Variants in TRAPPC9 observed in about 807,000 individuals in gnomAD.
TRAPPC9 encodes trafficking protein particle complex subunit 9, also known as IKK2 binding protein.
In TRAPPC9, 83 loss-of-function variants were observed where a neutral mutation model predicts 124.0. The observed-to-expected ratio is 0.67, with a 90% CI of 0.56 to 0.80. TRAPPC9 has a LOEUF of 0.80. TRAPPC9 is among the 30% of genes least tolerant of loss of function. TRAPPC9 has a pLI of 0.00. For synonymous variants in TRAPPC9, 638 were observed against 617.5 expected, an observed-to-expected ratio of 1.03 and a Z score of -0.49; for missense variants, 1,302 against 1,508.3, an observed-to-expected ratio of 0.86 and a Z score of 2.27.
intron 19 of TRAPPC9, among the ~76,000 whole-genome samples, chr8:139,920,565 G>C (rs923404084): frequency 6.6e-6 from 1 of 152,200 alleles, no homozygotes; most frequent in African/African-American, 2.4e-5. Flanking sequence ...GCCCAGGGCA[G>C]GGCACACAGC....
At chr8:139,995,311 G>A (rs1457394064) in intron 18 of TRAPPC9, among the ~76,000 whole-genome samples, 1 of 152,138 alleles carries the variant, frequency 6.6e-6, no homozygotes, top group Non-Finnish European at 1.5e-5. Flanking sequence ...TACTATGAAG[G>A]GCCACAGAAA....
At chr8:139,993,995 G>A (rs527714497) in intron 18 of TRAPPC9, among the ~76,000 whole-genome samples, 1 of 152,238 alleles carries the variant, frequency 6.6e-6, no homozygotes, top group Admixed American at 6.5e-5. Flanking sequence ...AAATGGACAA[G>A]TCTGTATGGT....
At chr8:139,809,002 C>T (rs1359606740) in intron 21 of TRAPPC9, among the ~76,000 whole-genome samples, 1 of 152,220 alleles carries the variant, frequency 6.6e-6, no homozygotes, top group Non-Finnish European at 1.5e-5. Context: ...GTGCCTGACT[C>T]CAAACCCCTT....
chr8:140,009,111 G>A (rs1838951561), intron 18 of TRAPPC9, among the ~76,000 whole-genome samples: 2 of 152,122 alleles, frequency 1.3e-5, no homozygotes, highest in Admixed American at 1.3e-4. Context: ...AAGCATAATG[G>A]AATTGGACCA....
At chr8:139,772,767 TTA>T (rs1821066880) in intron 21 of TRAPPC9, among the ~76,000 whole-genome samples, 1 of 152,192 alleles carries the variant, frequency 6.6e-6, no homozygotes, top group Non-Finnish European at 1.5e-5. Context: ...GTACAATACC[TTA>T]GACATACAAA....
At chr8:140,192,896 G>A (rs1398000561) in intron 17 of TRAPPC9, among the ~76,000 whole-genome samples, 1 of 152,176 alleles carries the variant, frequency 6.6e-6, no homozygotes, top group Non-Finnish European at 1.5e-5. Context: ...TCCTGCCTCA[G>A]CCTCCTGAGT....
chr8:140,045,646 A>C (rs1174931929), intron 17 of TRAPPC9, among the ~76,000 whole-genome samples: 1 of 142,346 alleles, frequency 7.0e-6, no homozygotes, highest in Non-Finnish European at 1.5e-5. Flanking sequence ...AAAAAAAAAA[A>C]AAAAAAAAAA....
intron 20 of TRAPPC9, among the ~76,000 whole-genome samples, chr8:139,909,163 G>A (rs961485631): frequency 6.6e-6 from 1 of 152,154 alleles, no homozygotes; most frequent in Admixed American, 6.5e-5. Context: ...ACGGAGCAAC[G>A]TGTGTATCCC....
chr8:140,310,752 G>A (rs2066275399), intron 10 of TRAPPC9, among the ~76,000 whole-genome samples: 1 of 152,090 alleles, frequency 6.6e-6, no homozygotes, highest in African/African-American at 2.4e-5. Flanking sequence ...GAAGGAACAA[G>A]GGAGCACAGA....
chr8:140,195,239 C>A (rs1397405577), intron 17 of TRAPPC9, among the ~76,000 whole-genome samples: 4 of 151,516 alleles, frequency 2.6e-5, no homozygotes, highest in Non-Finnish European at 5.9e-5. Context: ...ACAGATAACA[C>A]CTGTGACACT....
chr8:139,773,961 C>T (rs1252529785), intron 21 of TRAPPC9, among the ~76,000 whole-genome samples: 7 of 152,218 alleles, frequency 4.6e-5, no homozygotes, highest in African/African-American at 9.6e-5. Context: ...CGTGGGACAG[C>T]GGTCGACCCT....
chr8:140,089,232 C>T (rs6989675), intron 17 of TRAPPC9, among the ~76,000 whole-genome samples: 29,121 of 152,166 alleles, frequency 0.19, 3,517 homozygotes, highest in African/African-American at 0.35. Context: ...CCTCTTCCCC[C>T]CCGAGTGTTC....
chr8:140,020,254 T>TA (rs1157958392), intron 18 of TRAPPC9, among the ~76,000 whole-genome samples: 2 of 152,216 alleles, frequency 1.3e-5, no homozygotes, highest in African/African-American at 4.8e-5. Context: ...TCCACTCTAT[T>TA]ATTTCTTCTG....
At chr8:140,129,005 T>TATTAA (rs1563783126) in intron 17 of TRAPPC9, among the ~76,000 whole-genome samples, 244 of 134,704 alleles carry the variant, frequency 1.8e-3, no homozygotes, top group African/African-American at 6.4e-3. Flanking sequence ...ATATATATAT[T>TATTAA]AAAAAAAAAA....
chr8:140,455,140 C>A (rs2071607502), intron 1 of TRAPPC9, among the ~76,000 whole-genome samples: 2 of 152,050 alleles, frequency 1.3e-5, no homozygotes, highest in Non-Finnish European at 2.9e-5. Flanking sequence ...CAGTATTATT[C>A]CTCTTTTTCT....
intron 7 of TRAPPC9, among the ~76,000 whole-genome samples, chr8:140,389,867 T>C (rs2068873607): frequency 2.2e-5 from 3 of 136,204 alleles, no homozygotes; most frequent in Admixed American, 2.1e-4. Context: ...AAGATAAAAA[T>C]CAGTGTAAAA....
At chr8:140,121,451 A>G (rs147691030) in intron 17 of TRAPPC9, among the ~76,000 whole-genome samples, 1 of 152,308 alleles carries the variant, frequency 6.6e-6, no homozygotes, top group Non-Finnish European at 1.5e-5. Context: ...ATTGTCACTT[A>G]AGATACTCTG....
chr8:139,929,349 T>C (rs556449684), intron 19 of TRAPPC9, among the ~76,000 whole-genome samples: 17 of 152,240 alleles, frequency 1.1e-4, no homozygotes, highest in South Asian at 4.2e-4. Context: ...ACAGATAACG[T>C]CTGATACATT....
At chr8:140,405,451 G>A (rs948789376) in intron 6 of TRAPPC9, 126 bp downstream of exon 6, 28 of 1,050,484 alleles carry the variant, frequency 2.7e-5, no homozygotes, top group Admixed American at 1.0e-4. Context: ...ATGCATTAGA[G>A]AGCAAGACAT....
Sources: gnomAD v4.1 joint callset for allele counts (sites outside exome capture counted in the v4.1 genomes callset) on GRCh38, gnomAD v4.1.1 for gene constraint, MANE v1.5 for transcripts, NCBI Gene and HGNC (gene_info 2026-07-23, HGNC 2026-07-21) for gene names.